Variants in GGTLC1 observed in about 807,000 individuals in gnomAD.
GGTLC1 encodes the protein gamma-glutamyltransferase light chain 1, also known as glutathione hydrolase light chain 1.
A neutral mutation model predicts 19.5 loss-of-function variants in GGTLC1; 14 were observed. That is an observed-to-expected ratio of 0.72 (90% CI 0.47 to 1.12). The LOEUF is 1.12. Among genes scored for constraint, GGTLC1 ranks in the 50% most tolerant of loss-of-function variants. The pLI, the probability that GGTLC1 is intolerant of heterozygous loss-of-function variation, is 0.00. For synonymous variants in GGTLC1, 110 were observed against 124.2 expected, an observed-to-expected ratio of 0.89 and a Z score of 0.76; for missense variants, 304 against 309.2, an observed-to-expected ratio of 0.98 and a Z score of 0.13.
rs192745048 is a variant in GGTLC1 at position 23,985,474 on chromosome 20, A to G, written c.532-112T>C. ...TGGTGCCATTTCAGGCCAGGTCATC[A>G]GGAAGAGCAGGTTGGGGCCTGCTGG... On this transcript the variant is annotated intron_variant, in intron 5 of 5. Transcript: ENST00000335694. The G allele has an allele frequency of 5.0e-6, 8 of 1,603,708 alleles. No individual in the cohort carries two copies. The African/African-American group carries it at 9.4e-5, about 19-fold the overall frequency.
intron 1 of GGTLC1, among the ~76,000 whole-genome samples, chr20:23,987,450 G>A (rs917887475): frequency 1.3e-5 from 2 of 152,190 alleles, no homozygotes; most frequent in Admixed American, 1.3e-4. Context: ...GCCGACTAGC[G>A]AGGTAAACTC....
At chr20:23,987,469 G>A (rs1311405213) in intron 1 of GGTLC1, among the ~76,000 whole-genome samples, 1 of 152,164 alleles carries the variant, frequency 6.6e-6, no homozygotes, top group Non-Finnish European at 1.5e-5. Context: ...TCTGCAGAAG[G>A]GGCAGGTTTG....
Position 23,985,168 on chromosome 20 carries a change from G to A in GGTLC1, c.*48C>T. The A allele has an allele frequency of 6.2e-7, 1 of 1,611,592 alleles. No homozygotes were observed. The highest frequency in any genetic ancestry group is 8.5e-7 in the Non-Finnish European group (1 of 1,179,604). On this transcript the variant is annotated 3_prime_UTR_variant, in exon 6 of 6. Coordinates refer to ENST00000335694, the MANE Select transcript of GGTLC1 (RefSeq NM_178311.3). ...CCAAAGTCCTCTTCCTCGTCCTGGT[G>A]AGTATTTTGTTCCTGGATTGCTTGT...
At position 23,985,063 on chromosome 20, in the gene GGTLC1, G is replaced by A. The variant is rs1030382181; in HGVS notation, c.*153C>T. On this transcript the variant is annotated 3_prime_UTR_variant, in exon 6 of 6. Coordinates refer to ENST00000335694, the MANE Select transcript of GGTLC1 (RefSeq NM_178311.3). ...CTGAGGCCCAGAGAGTGGGGAGACAGGCCAGGGAGGCCACCTGGAGCCTGG... is the reference window on the plus strand; with the variant it reads ...CTGAGGCCCAGAGAGTGGGGAGACAAGCCAGGGAGGCCACCTGGAGCCTGG... 3 of 1,092,228 alleles carry A rather than the reference G, an allele frequency of 2.7e-6. No individual in the cohort carries two copies. The highest frequency in any genetic ancestry group is 3.0e-5 in the South Asian group (2 of 67,228). 67.7% of individuals were successfully genotyped at this position (1,092,228 alleles called of 1,614,324 possible).
In GGTLC1 at chr20:23,985,777, T is replaced by A. The variant is rs1052456095; in HGVS notation, c.421A>T (p.Ile141Phe). The A allele has an allele frequency of 6.2e-7, 1 of 1,612,014 alleles. No homozygotes were observed. The highest frequency in any genetic ancestry group is 1.1e-5 in the South Asian group (1 of 90,988). The change falls in exon 5 of 6, where the codon ATC becomes TTC. Residue 141 changes from isoleucine to phenylalanine, a missense_variant. By Grantham distance (21) the Ile-to-Phe change is conservative (BLOSUM62 0). Coordinates refer to ENST00000335694, the MANE Select transcript of GGTLC1 (RefSeq NM_178311.3). ...TAGCCGAACCAGAGGTTGTAGATGA[T>A]GGCCTGGGGCATGGGAGTGTGATCA... ...TQITMATALA[I>F]IYNLWFGYDV...
In GGTLC1 at chr20:23,988,734, T is replaced by C. The variant is rs150851836; in HGVS notation, c.-160A>G. 3.9e-4 allele frequency: 92 copies of C among 237,786 alleles called. 2 individuals are homozygous for C. In the East Asian group the frequency reaches 9.8e-3, roughly 25 times the overall value. The allele number at this position is 237,786 out of a possible 1,614,324, so 14.7% of individuals were successfully genotyped here. ...CAGAAGAAACTGCTGGCTTCGCCTTTGGCCGAGTTGGCGGCTGGACGAGGA... is the reference window on the plus strand; with the variant it reads ...CAGAAGAAACTGCTGGCTTCGCCTTCGGCCGAGTTGGCGGCTGGACGAGGA... On this transcript the variant is annotated 5_prime_UTR_variant, in exon 1 of 6. Transcript: ENST00000335694.
At chr20:23,986,859 C>A in intron 1 of GGTLC1, 1 of 1,422,542 alleles carries the variant, frequency 7.0e-7, no homozygotes, top group South Asian at 1.5e-5. Context: ...AGCCTCCAGA[C>A]CCTTGCTGCA....
In GGTLC1 at chr20:23,985,930, G is replaced by C. The variant is rs770360815; in HGVS notation, c.349C>G (p.Gln117Glu). Residue 117 changes from glutamine to glutamate, a missense_variant, in exon 4 of 6, where the codon CAG becomes GAG. Transcript: ENST00000335694. Reference protein sequence around the residue: ...SSMCPTIMVGQDGQVRMVVGA... With the variant: ...SSMCPTIMVGEDGQVRMVVGA... Reference sequence around the variant, plus strand: ...ACCACCATCCGGACCTGGCCGTCCTGGCCCACCATGATCGTCGGGCACATG... The same window carrying C: ...ACCACCATCCGGACCTGGCCGTCCTCGCCCACCATGATCGTCGGGCACATG... 5 of 1,611,896 alleles carry C rather than the reference G, an allele frequency of 3.1e-6. No individual in the cohort carries two copies. In the Admixed American group the frequency reaches 8.3e-5, roughly 27 times the overall value.
intron 1 of GGTLC1, 45 bp downstream of exon 1, chr20:23,988,564 C>CT (rs1221906877): frequency 1.0e-6 from 1 of 966,598 alleles, no homozygotes; most frequent in African/African-American, 1.8e-5. Context: ...CATGACCCCC[C>CT]ACGTCCGCCT....
chr20:23,988,434 A>G (rs576256559), intron 1 of GGTLC1, among the ~76,000 whole-genome samples, 175 bp downstream of exon 1: 1 of 151,924 alleles, frequency 6.6e-6, no homozygotes, highest in South Asian at 2.1e-4. Context: ...GCTCACTGCA[A>G]TCTCCACCTC....
chr20:23,988,150 G>A (rs1462737561), intron 1 of GGTLC1, among the ~76,000 whole-genome samples: 1 of 142,162 alleles, frequency 7.0e-6, no homozygotes, highest in Non-Finnish European at 1.5e-5. Flanking sequence ...CCGGGTTCAA[G>A]TGATTCTTGT....
chr20:23,985,698 TTGGGCAGAAGC>T lies in GGTLC1; in HGVS notation c.489_499del (p.Leu164ArgfsTer9). ...AATGTTTCTCTCCACTGTCGTGACG[TTGGGCAGAAGC>T]TGGTTGTGCAGCCGGGGCTCCTCCA... On this transcript the variant is annotated frameshift_variant, in exon 5 of 6. Transcript: ENST00000335694. LOFTEE classifies it low-confidence loss of function (END_TRUNC). 1 of 1,612,032 alleles carries T rather than the reference TTGGGCAGAAGC, an allele frequency of 6.2e-7. No individual in the cohort carries two copies. Among genetic ancestry groups the T allele is most frequent in the Non-Finnish European group, 8.5e-7 (1 of 1,179,854 alleles).
chr20:23,987,176 G>A (rs560663127), intron 1 of GGTLC1, among the ~76,000 whole-genome samples: 2 of 152,330 alleles, frequency 1.3e-5, no homozygotes, highest in African/African-American at 4.8e-5. Flanking sequence ...TAGGCAGAGA[G>A]TGAATGGAGT....
chr20:23,986,074 A>G lies in GGTLC1; in HGVS notation c.304+2T>C. ...CCCCACCCTCGGACCTCCACCCCAT[A>G]CCTGGCTGGATGAAATTGGCAGGTG... is the stretch of plus-strand genomic sequence containing the variant. On this transcript the variant is annotated splice_donor_variant, in intron 3 of 5. Coordinates refer to ENST00000335694, the MANE Select transcript of GGTLC1 (RefSeq NM_178311.3). LOFTEE classifies it high-confidence loss of function. The G allele has an allele frequency of 6.2e-7, 1 of 1,613,106 alleles. No homozygotes were observed. Among genetic ancestry groups the G allele is most frequent in the Non-Finnish European group, 8.5e-7 (1 of 1,179,764 alleles).
At chr20:23,985,599 C>A in intron 5 of GGTLC1, 68 bp downstream of exon 5, 1 of 1,609,432 alleles carries the variant, frequency 6.2e-7, no homozygotes, top group Non-Finnish European at 8.5e-7. Flanking sequence ...CTGTGATGAT[C>A]CAGGCCTCCA....
intron 1 of GGTLC1, among the ~76,000 whole-genome samples, chr20:23,987,077 A>G (rs1987969803): frequency 1.3e-5 from 2 of 152,294 alleles, no homozygotes; most frequent in Non-Finnish European, 1.5e-5. Flanking sequence ...AGAGCTTCTC[A>G]GAGGAGGCAA....
chr20:23,985,152 T>C lies in GGTLC1; in HGVS notation c.*64A>G. 6.2e-7 allele frequency: 1 copy of C among 1,608,946 alleles called. No individual in the cohort carries two copies. Among genetic ancestry groups the C allele is most frequent in the Non-Finnish European group, 8.5e-7 (1 of 1,178,278 alleles). On this transcript the variant is annotated 3_prime_UTR_variant, in exon 6 of 6. Coordinates refer to ENST00000335694, the MANE Select transcript of GGTLC1 (RefSeq NM_178311.3). ...AGGAGAAGCCTGTCCCCCAAAGTCCTCTTCCTCGTCCTGGTGAGTATTTTG... is the reference window on the plus strand; with the variant it reads ...AGGAGAAGCCTGTCCCCCAAAGTCCCCTTCCTCGTCCTGGTGAGTATTTTG...
At chr20:23,986,314 A>C in intron 2 of GGTLC1, 111 bp from the exon 3 acceptor site, 1 of 1,605,618 alleles carries the variant, frequency 6.2e-7, no homozygotes, top group African/African-American at 1.3e-5. Flanking sequence ...TAAGCTACCA[A>C]GGTTGGGCCT....
chr20:23,988,389 T>C (rs1988073316), intron 1 of GGTLC1, among the ~76,000 whole-genome samples: 1 of 151,868 alleles, frequency 6.6e-6, no homozygotes, highest in South Asian at 2.1e-4. Context: ...GTTTTGCACT[T>C]GTTGCCCAGG....
Sources: allele counts gnomAD v4.1 joint callset (sites outside exome capture counted in the v4.1 genomes callset), GRCh38; gene constraint gnomAD v4.1.1; transcripts MANE v1.5; gene names NCBI Gene and HGNC (gene_info 2026-07-23, HGNC 2026-07-21).